UBE3A: variants seen among roughly 807,000 people sequenced by gnomAD.
The protein encoded by UBE3A is ubiquitin protein ligase E3A.
A neutral mutation model predicts 83.4 loss-of-function variants in UBE3A; 6 were observed. The observed-to-expected ratio is 0.07, with a 90% confidence interval of 0.04 to 0.14. The LOEUF (loss-of-function observed/expected upper bound fraction) is 0.14, where lower values mean the gene tolerates loss of function less well. UBE3A is among the 10% of genes least tolerant of loss of function. The pLI, the probability that UBE3A is intolerant of heterozygous loss-of-function variation, is 1.00. For missense variants in UBE3A, 456 were observed against 1,036.1 expected, an observed-to-expected ratio of 0.44 and a Z score of 7.69; for synonymous variants, 337 against 355.4, an observed-to-expected ratio of 0.95 and a Z score of 0.58.
intron 4 of UBE3A, among the ~76,000 whole-genome samples, chr15:25,393,075 C>A (rs2084781718): frequency 6.6e-6 from 1 of 151,964 alleles, no homozygotes; most frequent in Admixed American, 6.6e-5. Flanking sequence ...AAGTGACTGA[C>A]AAAATTTGCC....
chr15:25,338,504 C>T lies in UBE3A; in HGVS notation c.*633G>A, dbSNP rs2074187175. On this transcript the variant is annotated 3_prime_UTR_variant, in exon 13 of 13. Transcript: ENST00000648336. ...TGCAGTTAAAACATTCCAATTTCTC[C>T]CTTCCTTCCATCTTTCTTTATTGAT... 1.3e-5 allele frequency: 2 copies of T among 150,968 alleles called. No homozygotes were observed. Among genetic ancestry groups the T allele is most frequent in the Non-Finnish European group, 2.9e-5 (2 of 67,964 alleles). The allele number at this position is 150,968 out of a possible 1,614,324, so 9.4% of individuals were successfully genotyped here. A position where few individuals can be genotyped will look rare whatever the true frequency, so the allele number is the denominator to read the frequency against.
At chr15:25,400,990 T>A (rs28707220) in intron 4 of UBE3A, among the ~76,000 whole-genome samples, 4 of 152,222 alleles carry the variant, frequency 2.6e-5, no homozygotes, top group Non-Finnish European at 5.9e-5. Context: ...CTTAATTTTT[T>A]AAAATTTTGT....
intron 11 of UBE3A, among the ~76,000 whole-genome samples, chr15:25,349,033 T>G (rs1006586156): frequency 4.6e-5 from 7 of 152,214 alleles, no homozygotes; most frequent in African/African-American, 1.7e-4. Context: ...AGCATCTGAT[T>G]TGAAGCTGCA....
At chr15:25,355,261 A>T (rs772394926) in intron 9 of UBE3A, among the ~76,000 whole-genome samples, 59 of 152,184 alleles carry the variant, frequency 3.9e-4, no homozygotes, top group Non-Finnish European at 6.2e-4. Flanking sequence ...TTCAGCAAAA[A>T]TGTGGAAGTA....
At position 25,370,395 on chromosome 15, in the gene UBE3A, C is replaced by T. The variant is rs546081458; in HGVS notation, c.1608+171G>A. Among the ~76,000 whole-genome samples, 2 of 152,310 alleles carry T rather than the reference C, an allele frequency of 1.3e-5. No homozygotes were observed. The highest frequency in any genetic ancestry group is 1.3e-4 in the Admixed American group (2 of 15,296). On this transcript the variant is annotated intron_variant, in intron 6 of 12. Coordinates refer to ENST00000648336, the MANE Select transcript of UBE3A (RefSeq NM_130839.5). The surrounding 1 kb of genome is among the most constrained non-coding windows in gnomAD (Gnocchi z 4.2). ...ACAACCGATACTTTGTAGAACACAT[C>T]TATAAACTTGCACAGGAACAACAAA...
At chr15:25,427,222 A>C (rs1359448741) in intron 1 of UBE3A, among the ~76,000 whole-genome samples, 1 of 152,188 alleles carries the variant, frequency 6.6e-6, no homozygotes, top group Non-Finnish European at 1.5e-5. Flanking sequence ...TAAATTACCT[A>C]ATCTCAGTTG....
chr15:25,364,521 T>G lies in UBE3A; in HGVS notation c.1609-3994A>C, dbSNP rs185172864. Among the ~76,000 whole-genome samples, 37 of 152,296 alleles carry G rather than the reference T, an allele frequency of 2.4e-4. No homozygotes were observed. The East Asian group carries it at 6.9e-3, about 29-fold the overall frequency. On this transcript the variant is annotated intron_variant, in intron 6 of 12. Coordinates refer to ENST00000648336, the MANE Select transcript of UBE3A (RefSeq NM_130839.5). The stretch of plus-strand genomic sequence containing the variant: ...CTGTATTTTTTAAGTCAGAAGTTGT[T>G]TTAAATGCATTAGGATATTTGAAAT...
At position 25,355,888 on chromosome 15, in the gene UBE3A, T is replaced by A. The variant is rs2077160509; in HGVS notation, c.2124+4A>T. On this transcript the variant is annotated splice_donor_region_variant and intron_variant, in intron 9 of 12. Coordinates refer to ENST00000648336, the MANE Select transcript of UBE3A (RefSeq NM_130839.5). Reference sequence around the variant, plus strand: ...ACAAAATGTGACATAAAAACATTTATTACCTTCCTGTTTTCATTTGTAATT... The same window carrying A: ...ACAAAATGTGACATAAAAACATTTAATACCTTCCTGTTTTCATTTGTAATT... The A allele has an allele frequency of 6.2e-7, 1 of 1,610,750 alleles. No individual in the cohort carries two copies. The highest frequency in any genetic ancestry group is 1.1e-5 in the South Asian group (1 of 90,976).
chr15:25,413,648 C>T (rs182082698), intron 1 of UBE3A, among the ~76,000 whole-genome samples: 1 of 152,234 alleles, frequency 6.6e-6, no homozygotes. Flanking sequence ...CCATTAGCTC[C>T]TCAGAGTACC....
intron 4 of UBE3A, among the ~76,000 whole-genome samples, chr15:25,384,054 A>C (rs1416116773): frequency 6.6e-6 from 1 of 152,254 alleles, no homozygotes; most frequent in Non-Finnish European, 1.5e-5. Context: ...ACTAAAAATG[A>C]AGAATCCAAA....
At chr15:25,357,944 G>A (rs1402436459) in intron 7 of UBE3A, among the ~76,000 whole-genome samples, 2 of 121,678 alleles carry the variant, frequency 1.6e-5, no homozygotes, top group Non-Finnish European at 3.2e-5. Context: ...TCGCTCTGTC[G>A]CCCAAGCTGG....
At chr15:25,408,998 C>A in intron 3 of UBE3A, 90 bp downstream of exon 3, 1 of 1,362,380 alleles carries the variant, frequency 7.3e-7, no homozygotes, top group African/African-American at 1.4e-5. Flanking sequence ...AGCAGTATTC[C>A]TGCCAACTAT....
chr15:25,417,228 A>C (rs1887334909), intron 1 of UBE3A, among the ~76,000 whole-genome samples: 1 of 152,094 alleles, frequency 6.6e-6, no homozygotes, highest in African/African-American at 2.4e-5. Flanking sequence ...AAAGACTCAG[A>C]AGGATCATGC....
rs2077009716 is a variant in UBE3A, at chr15:25,354,885, TA to T, written c.2125-203del. ...TTAAGCTATGAAAAGGCCATATACA[TA>T]AAACTGTCAAGAATATTCTTAAAAA... On this transcript the variant is annotated intron_variant, in intron 9 of 12. Coordinates refer to ENST00000648336, the MANE Select transcript of UBE3A (RefSeq NM_130839.5). 2.6e-5 allele frequency among the ~76,000 whole-genome samples: 4 copies of T among 152,024 alleles called. No homozygotes were observed. The South Asian group carries it at 8.3e-4, about 32-fold the overall frequency.
chr15:25,334,225 C>G lies in UBE3A; in HGVS notation c.*4912G>C, dbSNP rs1484077104. On this transcript the variant is annotated 3_prime_UTR_variant, in exon 13 of 13. Transcript: ENST00000648336. Reference sequence around the variant, plus strand: ...TGACAAAAAAAGAATTTTAGAAAAGCTACAATATACAAAATCAATATACAA... The same window carrying G: ...TGACAAAAAAAGAATTTTAGAAAAGGTACAATATACAAAATCAATATACAA... 1 of 151,724 alleles carries G rather than the reference C, an allele frequency of 6.6e-6. No homozygotes were observed. Among genetic ancestry groups the G allele is most frequent in the Non-Finnish European group, 1.5e-5 (1 of 67,948 alleles). The allele number at this position is 151,724 out of a possible 1,614,324, so 9.4% of individuals were successfully genotyped here.
chr15:25,349,744 C>T (rs2076224740), intron 11 of UBE3A, among the ~76,000 whole-genome samples: 1 of 152,120 alleles, frequency 6.6e-6, no homozygotes, highest in Non-Finnish European at 1.5e-5. Context: ...CATATATATT[C>T]GAATTTCCAA....
rs202236166 is a variant in UBE3A at position 25,388,105 on chromosome 15, CATT to C, written c.63-12345_63-12343del. Among the ~76,000 whole-genome samples, 660 of 152,214 alleles carry C rather than the reference CATT, an allele frequency of 4.3e-3. 10 individuals carry two copies. Among genetic ancestry groups the C allele is most frequent in the Admixed American group, 0.029 (439 of 15,236 alleles). On this transcript the variant is annotated intron_variant, in intron 4 of 12. Coordinates refer to ENST00000648336, the MANE Select transcript of UBE3A (RefSeq NM_130839.5). The stretch of plus-strand genomic sequence containing the variant: ...AGAAGCAAAGGAGATGCTCCTATCT[CATT>C]GTATGAAGTCAGCATTACTCTAATA...
intron 4 of UBE3A, among the ~76,000 whole-genome samples, chr15:25,401,309 T>C (rs767886937): frequency 2.6e-5 from 4 of 152,208 alleles, no homozygotes; most frequent in Non-Finnish European, 5.9e-5. Flanking sequence ...TAGGTAATGC[T>C]CATCTCCCAA....
intron 5 of UBE3A, among the ~76,000 whole-genome samples, chr15:25,372,087 T>C (rs2080390385): frequency 6.6e-6 from 1 of 152,208 alleles, no homozygotes. Context: ...GAGTTTAAAC[T>C]TTCTTTATAA....
Sources: gnomAD v4.1 joint callset for allele counts (sites outside exome capture counted in the v4.1 genomes callset) on GRCh38, gnomAD v4.1.1 for gene constraint, Gnocchi (gnomAD v3.1) non-coding constraint, MANE v1.5 for transcripts, NCBI Gene and HGNC (gene_info 2026-07-23, HGNC 2026-07-21) for gene names.